Variants in PCNX2 observed in about 807,000 individuals in gnomAD.
The protein encoded by PCNX2 is pecanex 2.
PCNX2 carries 168 observed loss-of-function variants against 223.8 expected under a neutral mutation model. That is an observed-to-expected ratio of 0.75 (90% confidence interval 0.66 to 0.85). The LOEUF (loss-of-function observed/expected upper bound fraction) is 0.85, where lower values mean the gene tolerates loss of function less well. Among genes scored for constraint, PCNX2 ranks in the 40% least tolerant of loss-of-function variants. The probability of loss-of-function intolerance (pLI) is 0.00; values close to 1 mark genes in which losing one functional copy is unlikely to be tolerated. For missense variants in PCNX2, 2,507 were observed against 2,675.5 expected (o/e 0.94, Z 1.39); for synonymous variants, 1,006 against 1,052.6 (o/e 0.96, Z 0.86).
chr1:233,013,421 C>G (rs1670541286), intron 28 of PCNX2, among the ~76,000 whole-genome samples: 1 of 152,170 alleles, frequency 6.6e-6, no homozygotes, highest in Non-Finnish European at 1.5e-5. Flanking sequence ...CAACAACTTG[C>G]CACCAGTGTA....
At chr1:233,066,621 G>A (rs781250483) in intron 23 of PCNX2, among the ~76,000 whole-genome samples, 1 of 152,140 alleles carries the variant, frequency 6.6e-6, no homozygotes, top group Non-Finnish European at 1.5e-5. Flanking sequence ...ACACCCACTT[G>A]CACACACACC....
intron 9 of PCNX2, chr1:233,232,955 T>G: frequency 1.0e-6 from 1 of 985,400 alleles, no homozygotes. Context: ...ACTATCTCAT[T>G]TTTTAATGTA....
rs1049268375 is a variant in PCNX2, at chr1:233,062,682, CT to C, written c.4077-5393del. Among the ~76,000 whole-genome samples the C allele has an allele frequency of 1.4e-4, 21 of 152,300 alleles. 1 individual carries two copies. Among genetic ancestry groups the C allele is most frequent in the Middle Eastern group, 3.4e-3 (1 of 294 alleles). ...CCAAGTCACCATATTTAAGGTATGT[CT>C]TTTCGCTGGGTGTCCAGGCAGATGT... On this transcript the variant is annotated intron_variant, in intron 23 of 33. Transcript: ENST00000258229.
intron 32 of PCNX2, among the ~76,000 whole-genome samples, chr1:232,993,325 T>G (rs963354773): frequency 6.6e-6 from 1 of 152,220 alleles, no homozygotes; most frequent in Non-Finnish European, 1.5e-5. Flanking sequence ...ACAAAGAGAC[T>G]GGCGGCATTT....
In PCNX2 at chr1:233,001,749, T is replaced by A. The variant is rs753252575; in HGVS notation, c.4953-68A>T. Reference sequence around the variant, plus strand: ...CCTGTCATTGTGAGCAAAGTTTGAGTCTCCCATTTGTCTAAGAATTATCTT... The same window carrying A: ...CCTGTCATTGTGAGCAAAGTTTGAGACTCCCATTTGTCTAAGAATTATCTT... On this transcript the variant is annotated intron_variant, in intron 28 of 33. Transcript: ENST00000258229. This position sits in a 1 kb window ranked among gnomAD's most constrained non-coding sequence, Gnocchi z 4.2. 18 of 1,344,130 alleles carry A rather than the reference T, an allele frequency of 1.3e-5. 1 individual carries two copies. The highest frequency in any genetic ancestry group is 1.8e-5 in the Non-Finnish European group (18 of 1,019,590). The allele number at this position is 1,344,130 out of a possible 1,614,324, so 83.3% of individuals were successfully genotyped here.
chr1:233,092,935 TAC>T (rs1673949877), intron 22 of PCNX2, among the ~76,000 whole-genome samples: 1 of 151,824 alleles, frequency 6.6e-6, no homozygotes, highest in Admixed American at 6.6e-5. Context: ...AGTAGCTGGG[TAC>T]ACAGGCGCCC....
At chr1:233,117,298 C>T (rs1237581409) in intron 21 of PCNX2, among the ~76,000 whole-genome samples, 1 of 152,076 alleles carries the variant, frequency 6.6e-6, no homozygotes, top group Non-Finnish European at 1.5e-5. Context: ...GCTAGTATTA[C>T]CCTAATAGCA....
At chr1:233,044,817 T>A (rs1671772941) in intron 25 of PCNX2, among the ~76,000 whole-genome samples, 1 of 152,006 alleles carries the variant, frequency 6.6e-6, no homozygotes, top group South Asian at 2.1e-4. Flanking sequence ...TACAGGTGCA[T>A]GCCACCACGC....
intron 19 of PCNX2, among the ~76,000 whole-genome samples, chr1:233,159,132 AGAAGTCT>A (rs902357208): frequency 3.3e-5 from 5 of 152,108 alleles, no homozygotes; most frequent in South Asian, 4.2e-4. Context: ...CCAAGGGGAG[AGAAGTCT>A]GAGTTACCCT....
intron 23 of PCNX2, among the ~76,000 whole-genome samples, chr1:233,072,501 T>C (rs1672901171): frequency 6.6e-6 from 1 of 152,204 alleles, no homozygotes; most frequent in Admixed American, 6.5e-5. Flanking sequence ...TTTGTACCTG[T>C]ACTATACTGT....
the PCNX2 span, among the ~76,000 whole-genome samples, chr1:233,305,011 A>T: frequency 6.6e-6 from 1 of 152,342 alleles, no homozygotes; most frequent in Non-Finnish European, 1.5e-5. Flanking sequence ...TTATAATTGA[A>T]GAACTTCTTC....
intron 17 of PCNX2, among the ~76,000 whole-genome samples, chr1:233,165,733 G>A (rs1470496073): frequency 1.3e-5 from 2 of 152,040 alleles, no homozygotes; most frequent in Admixed American, 6.6e-5. Flanking sequence ...AAATAAATGG[G>A]GAGATATACT....
the PCNX2 span, among the ~76,000 whole-genome samples, chr1:233,323,724 T>C: frequency 5.3e-5 from 8 of 152,356 alleles, 1 homozygote; most frequent in South Asian, 1.7e-3. Context: ...GGCTATTCCC[T>C]GTCCCTTTCC....
At chr1:233,291,685 C>T in intron 1 of PCNX2, 4 of 983,022 alleles carry the variant, frequency 4.1e-6, no homozygotes, top group Non-Finnish European at 4.8e-6. Flanking sequence ...AGGACTTACA[C>T]AGGCCAGAAT....
chr1:233,291,612 A>C (rs1661771458), intron 1 of PCNX2: 7 of 791,464 alleles, frequency 8.8e-6, no homozygotes, highest in African/African-American at 1.9e-5. Flanking sequence ...CTGTCTCAAA[A>C]AAAAAAAAAA....
chr1:233,307,230 A>G, the PCNX2 span, among the ~76,000 whole-genome samples: 1 of 152,214 alleles, frequency 6.6e-6, no homozygotes, highest in African/African-American at 2.4e-5. Context: ...TCATGTTGAA[A>G]TCTGATCCCC....
intron 21 of PCNX2, among the ~76,000 whole-genome samples, chr1:233,128,410 T>C (rs113698682): frequency 0.036 from 5,545 of 152,146 alleles, 120 homozygotes; most frequent in African/African-American, 0.072. Flanking sequence ...TCTTGGCTCA[T>C]TGTAACCTCC....
chr1:233,240,300 A>T (rs1658679368), intron 8 of PCNX2, among the ~76,000 whole-genome samples: 1 of 152,204 alleles, frequency 6.6e-6, no homozygotes, highest in African/African-American at 2.4e-5. Context: ...GTTCTTTGCT[A>T]GCGTCTCTTC....
At chr1:233,270,941 T>C (rs1363807369) in intron 1 of PCNX2, among the ~76,000 whole-genome samples, 3 of 152,230 alleles carry the variant, frequency 2.0e-5, no homozygotes, top group Non-Finnish European at 4.4e-5. Flanking sequence ...TTGAAAATTA[T>C]TTAAAAAGCT....
Sources: allele counts gnomAD v4.1 joint callset (sites outside exome capture counted in the v4.1 genomes callset), GRCh38; gene constraint gnomAD v4.1.1; non-coding constraint Gnocchi (gnomAD v3.1); transcripts MANE v1.5; gene names NCBI Gene and HGNC (gene_info 2026-07-23, HGNC 2026-07-21).